SLC30A8: variants seen among roughly 807,000 people sequenced by gnomAD.
SLC30A8 encodes solute carrier family 30 member 8, also known as proton-coupled zinc antiporter SLC30A8.
A neutral mutation model predicts 36.9 loss-of-function variants in SLC30A8; 27 were observed. The ratio of observed to expected loss-of-function variants is 0.73; its 90% CI spans 0.54 to 1.01. SLC30A8 has a LOEUF of 1.01. Ranked by LOEUF, SLC30A8 falls within the 50% of genes least tolerant of loss-of-function variation. The pLI, the probability that SLC30A8 is intolerant of heterozygous loss-of-function variation, is 0.00. For missense variants in SLC30A8, 439 were observed against 452.0 expected (o/e 0.97, Z 0.26); for synonymous variants, 164 against 172.4 (o/e 0.95, Z 0.38).
intron 2 of SLC30A8, among the ~76,000 whole-genome samples, chr8:117,072,817 C>G (rs1818371687): frequency 6.7e-6 from 1 of 149,984 alleles, no homozygotes; most frequent in Admixed American, 6.6e-5. Flanking sequence ...AAAAACTGCT[C>G]AAACCCCCAA....
chr8:116,964,549 G>GTTTATGCTAGGA (rs2130601224), intron 1 of SLC30A8, among the ~76,000 whole-genome samples: 1 of 152,308 alleles, frequency 6.6e-6, no homozygotes, highest in East Asian at 1.9e-4. Flanking sequence ...TCCTAGCAAA[G>GTTTATGCTAGGA]TGTTTATGCA....
At position 117,161,782 on chromosome 8, in the gene SLC30A8, A is replaced by G; in HGVS notation, c.617A>G (p.Lys206Arg). ...CAGAGATGCCTTGGCCACAATCACAAGGAAGTACAAGCCAATGCCAGCGTC... is the reference window on the plus strand; with the variant it reads ...CAGAGATGCCTTGGCCACAATCACAGGGAAGTACAAGCCAATGCCAGCGTC... ...LHQRCLGHNH[K>R]EVQANASVRA... The change falls in exon 5 of 8, where the codon AAG (lysine) becomes AGG (arginine). Residue 206 changes from lysine (K) to arginine (R), a missense_variant. By Grantham distance (26) the Lys-to-Arg change is conservative. Transcript: ENST00000456015. 1 of 1,613,934 alleles carries G rather than the reference A, an allele frequency of 6.2e-7. No individual in the cohort carries two copies. The highest frequency in any genetic ancestry group is 8.5e-7 in the Non-Finnish European group (1 of 1,179,876).
chr8:117,000,553 T>A (rs980224838), intron 1 of SLC30A8, among the ~76,000 whole-genome samples: 1 of 152,218 alleles, frequency 6.6e-6, no homozygotes, highest in Non-Finnish European at 1.5e-5. Context: ...ATTTGTTGAC[T>A]TGAAAAGTGA....
chr8:117,067,642 G>A (rs941796275), intron 2 of SLC30A8, among the ~76,000 whole-genome samples: 4 of 152,138 alleles, frequency 2.6e-5, no homozygotes, highest in African/African-American at 9.7e-5. Flanking sequence ...GCAGATGTCT[G>A]TGAATGAGAT....
chr8:117,141,986 A>C (rs968797523), intron 1 of SLC30A8, among the ~76,000 whole-genome samples: 19 of 152,110 alleles, frequency 1.2e-4, no homozygotes, highest in African/African-American at 4.1e-4. Context: ...GAGGTTAAGT[A>C]ATTTTCTTAC....
At chr8:117,018,503 G>A (rs956793663) in intron 1 of SLC30A8, among the ~76,000 whole-genome samples, 7 of 152,024 alleles carry the variant, frequency 4.6e-5, no homozygotes, top group African/African-American at 1.2e-4. Flanking sequence ...GGGGGTTGGC[G>A]CCACCATGTT....
chr8:117,147,602 G>C (rs1343015060), intron 2 of SLC30A8: 1 of 157,224 alleles, frequency 6.4e-6, no homozygotes, highest in East Asian at 1.8e-4. Context: ...GCAAAATCTT[G>C]AAGAAAACTC....
At chr8:117,149,146 G>A (rs1401455500) in intron 2 of SLC30A8, among the ~76,000 whole-genome samples, 1 of 152,164 alleles carries the variant, frequency 6.6e-6, no homozygotes, top group Non-Finnish European at 1.5e-5. Context: ...GAAGGGTTAA[G>A]TGTTTTGTAT....
chr8:117,086,242 C>T (rs1371073901), intron 2 of SLC30A8, among the ~76,000 whole-genome samples: 1 of 152,142 alleles, frequency 6.6e-6, no homozygotes, highest in African/African-American at 2.4e-5. Context: ...AGGCTTAACC[C>T]TGTTGACAGA....
intron 2 of SLC30A8, among the ~76,000 whole-genome samples, chr8:117,052,067 A>G (rs1452273187): frequency 1.3e-5 from 2 of 151,946 alleles, no homozygotes; most frequent in East Asian, 1.9e-4. Context: ...CTGGAGTGCA[A>G]TGGTGACATC....
intron 1 of SLC30A8, among the ~76,000 whole-genome samples, chr8:117,143,538 A>C (rs1821756145): frequency 6.6e-6 from 1 of 152,080 alleles, no homozygotes; most frequent in African/African-American, 2.4e-5. Flanking sequence ...GCATCTAGAG[A>C]TACTTAGATG....
intron 1 of SLC30A8, among the ~76,000 whole-genome samples, chr8:116,999,361 G>A (rs1442754755): frequency 1.3e-5 from 2 of 152,170 alleles, no homozygotes; most frequent in African/African-American, 4.8e-5. Context: ...TAAAGGCAAC[G>A]ATAGAGGAAA....
intron 1 of SLC30A8, among the ~76,000 whole-genome samples, chr8:117,004,485 A>G (rs981685246): frequency 2.6e-5 from 4 of 152,018 alleles, no homozygotes; most frequent in Admixed American, 2.6e-4. Context: ...GTCATCATCA[A>G]CTGTAAAAGA....
chr8:117,037,267 T>A (rs566708546), intron 1 of SLC30A8, among the ~76,000 whole-genome samples: 11 of 152,348 alleles, frequency 7.2e-5, no homozygotes, highest in African/African-American at 2.2e-4. Context: ...AAATCCTAGA[T>A]CTACATTCTC....
At chr8:116,965,610 G>C (rs1380646545) in intron 1 of SLC30A8, among the ~76,000 whole-genome samples, 3 of 152,102 alleles carry the variant, frequency 2.0e-5, no homozygotes, top group African/African-American at 7.2e-5. Context: ...ATTTTGAGGG[G>C]CTTCCCATCG....
Position 117,173,408 on chromosome 8 carries a change from C to A in SLC30A8, c.*727C>A, listed in dbSNP as rs1218360025. The A allele has an allele frequency of 6.6e-6, 1 of 152,036 alleles. No individual in the cohort carries two copies. The highest frequency in any genetic ancestry group is 2.4e-5 in the African/African-American group (1 of 41,404). 9.4% of individuals were successfully genotyped at this position (152,036 alleles called of 1,614,324 possible). A position where few individuals can be genotyped will look rare whatever the true frequency, so the allele number is the denominator to read the frequency against. On this transcript the variant is annotated 3_prime_UTR_variant, in exon 8 of 8. Coordinates refer to ENST00000456015, the MANE Select transcript of SLC30A8 (RefSeq NM_173851.3). ...AGCCAAAGAATGTGGTTGTAGAGAC[C>A]CAGAAGTCTTCAAGAACAGCCGACA...
At position 117,163,429 on chromosome 8, in the gene SLC30A8, A is replaced by G; in HGVS notation, c.728A>G (p.Glu243Gly). Residue 243 changes from glutamate to glycine, a missense_variant, in exon 6 of 8, where the codon GAG (glutamate) becomes GGG (glycine). By Grantham distance (98) the Glu-to-Gly change is moderately conservative. Coordinates refer to ENST00000456015, the MANE Select transcript of SLC30A8 (RefSeq NM_173851.3). ...AATCCCTGTTTTTTTTTCTAGCCAG[A>G]GTATAAAATAGCCGACCCAATCTGC... ...ISALIIYFKPEYKIADPICTF... is the reference protein window; with the variant it reads ...ISALIIYFKPGYKIADPICTF... 6.2e-7 allele frequency: 1 copy of G among 1,611,014 alleles called. No homozygotes were observed. The highest frequency in any genetic ancestry group is 8.5e-7 in the Non-Finnish European group (1 of 1,178,598).
At chr8:116,955,751 C>T (rs1321975161) in intron 1 of SLC30A8, among the ~76,000 whole-genome samples, 1 of 150,764 alleles carries the variant, frequency 6.6e-6, no homozygotes, top group Non-Finnish European at 1.5e-5. Context: ...AAAAAGAAAA[C>T]AAAAAGACAG....
chr8:116,964,973 G>T (rs533571152), intron 1 of SLC30A8, among the ~76,000 whole-genome samples: 1 of 152,286 alleles, frequency 6.6e-6, no homozygotes, highest in Admixed American at 6.5e-5. Context: ...TTTCACTCTT[G>T]TTGCCCAGGC....
Sources: gnomAD v4.1 joint callset for allele counts (sites outside exome capture counted in the v4.1 genomes callset) on GRCh38, gnomAD v4.1.1 for gene constraint, MANE v1.5 for transcripts, NCBI Gene and HGNC (gene_info 2026-07-23, HGNC 2026-07-21) for gene names.